MCF2L2: variants seen among roughly 807,000 people sequenced by gnomAD.
MCF2L2 encodes the protein MCF.2 cell line derived transforming sequence-like 2, also known as probable guanine nucleotide exchange factor MCF2L2.
In MCF2L2, 102 loss-of-function variants were observed where a neutral mutation model predicts 150.2. The observed-to-expected ratio is 0.68, with a 90% CI of 0.58 to 0.80. MCF2L2 has a LOEUF of 0.80. Ranked by LOEUF, MCF2L2 falls within the 30% of genes least tolerant of loss-of-function variation. The pLI, the probability that MCF2L2 is intolerant of heterozygous loss-of-function variation, is 0.00. For synonymous variants in MCF2L2, 465 were observed against 491.3 expected, an observed-to-expected ratio of 0.95 and a Z score of 0.71; for missense variants, 1,256 against 1,372.8, an observed-to-expected ratio of 0.91 and a Z score of 1.34.
intron 1 of MCF2L2, among the ~76,000 whole-genome samples, chr3:183,395,917 C>CAAAAAAAAAAA (rs11338932): frequency 3.4e-5 from 2 of 58,098 alleles, no homozygotes; most frequent in African/African-American, 7.1e-5. Context: ...GACATCGTCT[C>CAAAAAAAAAAA]AAAAAAAAAA....
At chr3:183,374,262 C>G (rs1195296594) in intron 3 of MCF2L2, 1 of 152,346 alleles carries the variant, frequency 6.6e-6, no homozygotes, top group Non-Finnish European at 1.5e-5. Flanking sequence ...TTCCAGCCCT[C>G]GTTTCTCAAT....
intron 25 of MCF2L2, among the ~76,000 whole-genome samples, chr3:183,203,706 A>G (rs896198579): frequency 3.3e-5 from 5 of 152,264 alleles, no homozygotes; most frequent in African/African-American, 1.2e-4. Context: ...CCCAAATCTG[A>G]TGAAAACATT....
intron 15 of MCF2L2, among the ~76,000 whole-genome samples, chr3:183,245,437 A>G (rs1283742332): frequency 4.6e-5 from 7 of 152,044 alleles, no homozygotes; most frequent in Non-Finnish European, 1.0e-4. Context: ...CAGAGTTTGG[A>G]TGGGGGCTGG....
chr3:183,267,630 G>A lies in MCF2L2; in HGVS notation c.1862+9242C>T, dbSNP rs998082349. ...ACACGGCTCTCTCCCCGTCAGTCCT[G>A]TCCAAAGCCCAGGAAACTAATGTAC... On this transcript the variant is annotated intron_variant, in intron 15 of 29. Coordinates refer to ENST00000328913, the MANE Select transcript of MCF2L2 (RefSeq NM_015078.4). This position sits in a 1 kb window ranked among gnomAD's most constrained non-coding sequence, Gnocchi z 5.5. Among the ~76,000 whole-genome samples, 2 of 152,220 alleles carry A rather than the reference G, an allele frequency of 1.3e-5. No individual in the cohort carries two copies. The highest frequency in any genetic ancestry group is 2.9e-5 in the Non-Finnish European group (2 of 68,044).
At chr3:183,242,165 C>G (rs1388905370) in intron 15 of MCF2L2, among the ~76,000 whole-genome samples, 2 of 151,908 alleles carry the variant, frequency 1.3e-5, no homozygotes, top group African/African-American at 4.8e-5. Context: ...GGAACTTATG[C>G]TCAAAAGGGA....
chr3:183,363,564 G>A (rs532388593), intron 3 of MCF2L2, among the ~76,000 whole-genome samples: 1 of 132,766 alleles, frequency 7.5e-6, no homozygotes, highest in East Asian at 2.3e-4. Flanking sequence ...GGCAACATAG[G>A]GAGACCCCAA....
chr3:183,297,927 T>C (rs531220557), intron 11 of MCF2L2: 2 of 152,336 alleles, frequency 1.3e-5, no homozygotes, highest in East Asian at 1.9e-4. Flanking sequence ...TGCATCCGAA[T>C]TGGTTACCAG....
In MCF2L2 at chr3:183,205,856, A is replaced by G; in HGVS notation, c.2884+20T>C. 6.3e-7 allele frequency: 1 copy of G among 1,596,482 alleles called. No individual in the cohort carries two copies. The highest frequency in any genetic ancestry group is 8.6e-7 in the Non-Finnish European group (1 of 1,164,406). ...AAATCAGTATAACTCGACAGACGAA[A>G]GTCAGCAGGGGTAACCTACCTTTGA... On this transcript the variant is annotated intron_variant, in intron 25 of 29. Coordinates refer to ENST00000328913, the MANE Select transcript of MCF2L2 (RefSeq NM_015078.4).
chr3:183,310,503 A>G, intron 9 of MCF2L2: 1 of 264,820 alleles, frequency 3.8e-6, no homozygotes, highest in Non-Finnish European at 7.6e-6. Context: ...CTCCAACTCA[A>G]AAAAAAAATT....
chr3:183,271,791 T>A (rs1726805426), intron 15 of MCF2L2: 1 of 166,996 alleles, frequency 6.0e-6, no homozygotes, highest in South Asian at 2.1e-4. Flanking sequence ...AAGTTTGTTA[T>A]TTGAATGTAA....
chr3:183,365,231 T>C (rs1020797479), intron 3 of MCF2L2, among the ~76,000 whole-genome samples: 1 of 152,216 alleles, frequency 6.6e-6, no homozygotes, highest in African/African-American at 2.4e-5. Context: ...TTTGATAGGA[T>C]GATTTTAACA....
chr3:183,326,753 C>T lies in MCF2L2; in HGVS notation c.487-3402G>A, dbSNP rs956405252. 1.2e-4 allele frequency among the ~76,000 whole-genome samples: 18 copies of T among 151,942 alleles called. 1 individual carries two copies. Among genetic ancestry groups the T allele is most frequent in the Non-Finnish European group, 2.5e-4 (17 of 68,000 alleles). ...GTCATTTTCCCACATATGTTGTTTC[C>T]TGTACCCACCAGTACAAGCAAGATG... On this transcript the variant is annotated intron_variant, in intron 5 of 29. Coordinates refer to ENST00000328913, the MANE Select transcript of MCF2L2 (RefSeq NM_015078.4).
chr3:183,390,716 G>A (rs751847081), intron 1 of MCF2L2, among the ~76,000 whole-genome samples: 1 of 152,166 alleles, frequency 6.6e-6, no homozygotes, highest in Non-Finnish European at 1.5e-5. Context: ...GGTCAACAGA[G>A]TAAGATCTTG....
intron 21 of MCF2L2, among the ~76,000 whole-genome samples, chr3:183,216,636 A>G (rs1722955646): frequency 8.7e-6 from 1 of 115,250 alleles, no homozygotes; most frequent in South Asian, 2.7e-4. Context: ...AGAGAGTTTC[A>G]CTCTGTCACC....
intron 22 of MCF2L2, among the ~76,000 whole-genome samples, chr3:183,212,145 C>T (rs1357554920): frequency 6.6e-6 from 1 of 152,188 alleles, no homozygotes; most frequent in Non-Finnish European, 1.5e-5. Context: ...TCACCAGAAG[C>T]TCAGACGAGG....
At chr3:183,238,576 A>G (rs1723850778) in intron 15 of MCF2L2, among the ~76,000 whole-genome samples, 1 of 148,172 alleles carries the variant, frequency 6.7e-6, no homozygotes, top group East Asian at 2.1e-4. Flanking sequence ...TACAGGCGTG[A>G]GCCACCTCGC....
At chr3:183,251,847 G>A (rs1393558441) in intron 15 of MCF2L2, among the ~76,000 whole-genome samples, 3 of 151,738 alleles carry the variant, frequency 2.0e-5, no homozygotes, top group Non-Finnish European at 4.4e-5. Context: ...CTGAGCTTGT[G>A]TGGATCCCAG....
intron 1 of MCF2L2, among the ~76,000 whole-genome samples, chr3:183,405,430 C>T (rs1006182599): frequency 7.3e-5 from 11 of 151,226 alleles, no homozygotes; most frequent in African/African-American, 2.7e-4. Context: ...GTTTAAGCAT[C>T]GACACAATCA....
chr3:183,228,296 C>A lies in MCF2L2; in HGVS notation c.2115+1G>T. 1 of 1,611,722 alleles carries A rather than the reference C, an allele frequency of 6.2e-7. No individual in the cohort carries two copies. Among genetic ancestry groups the A allele is most frequent in the Non-Finnish European group, 8.5e-7 (1 of 1,177,964 alleles). On this transcript the variant is annotated splice_donor_variant, in intron 18 of 29. Coordinates refer to ENST00000328913, the MANE Select transcript of MCF2L2 (RefSeq NM_015078.4). LOFTEE classifies it high-confidence loss of function. Reference sequence around the variant, plus strand: ...ATTATTTACTGGGAGTACAGACTTACTCTCTTGAGAAAGCAATGTGCCAGA... The same window carrying A: ...ATTATTTACTGGGAGTACAGACTTAATCTCTTGAGAAAGCAATGTGCCAGA...
Sources: gnomAD v4.1 joint callset for allele counts (sites outside exome capture counted in the v4.1 genomes callset) on GRCh38, gnomAD v4.1.1 for gene constraint, Gnocchi (gnomAD v3.1) non-coding constraint, MANE v1.5 for transcripts, NCBI Gene and HGNC (gene_info 2026-07-23, HGNC 2026-07-21) for gene names.